Variants in NRXN3 observed in about 807,000 individuals in gnomAD.
The protein encoded by NRXN3 is neurexin III.
Under a neutral mutation model 137.6 loss-of-function variants are expected in NRXN3, and 32 were observed. That is an observed-to-expected ratio of 0.23 (90% CI 0.18 to 0.31). The LOEUF is 0.31. NRXN3 is among the 10% of genes least tolerant of loss of function. The probability of loss-of-function intolerance (pLI) is 1.00; values close to 1 mark genes in which losing one functional copy is unlikely to be tolerated. For missense variants in NRXN3, 1,574 were observed against 2,062.5 expected (o/e 0.76, Z 4.59); for synonymous variants, 798 against 784.5 (o/e 1.02, Z -0.29).
At chr14:78,444,784 T>C (rs1221590450) in intron 4 of NRXN3, among the ~76,000 whole-genome samples, 1 of 151,834 alleles carries the variant, frequency 6.6e-6, no homozygotes, top group Non-Finnish European at 1.5e-5. Context: ...CCGGGCCTCA[T>C]GGTGGATACC....
intron 4 of NRXN3, among the ~76,000 whole-genome samples, chr14:78,361,047 C>T (rs1304449179): frequency 6.6e-6 from 1 of 152,158 alleles, no homozygotes; most frequent in African/African-American, 2.4e-5. Flanking sequence ...TATGATATTA[C>T]AGAGAGCCTG....
intron 4 of NRXN3, among the ~76,000 whole-genome samples, chr14:78,324,669 A>G (rs1028541694): frequency 1.3e-5 from 2 of 152,102 alleles, no homozygotes; most frequent in African/African-American, 2.4e-5. Flanking sequence ...AAAGCAAATC[A>G]CAGTTCTAGA....
At chr14:79,589,445 T>TA (rs879775170) in intron 16 of NRXN3, among the ~76,000 whole-genome samples, 3 of 151,388 alleles carry the variant, frequency 2.0e-5, no homozygotes, top group Non-Finnish European at 2.9e-5. Context: ...CTTATTCCAT[T>TA]TTTTTTTCCA....
chr14:78,931,405 A>C (rs1040044400), intron 10 of NRXN3, among the ~76,000 whole-genome samples: 2 of 152,154 alleles, frequency 1.3e-5, no homozygotes, highest in African/African-American at 4.8e-5. Flanking sequence ...AAAATAGTAA[A>C]AAAATAAAAA....
intron 4 of NRXN3, among the ~76,000 whole-genome samples, chr14:78,413,146 A>G (rs535796668): frequency 1.3e-5 from 2 of 152,102 alleles, no homozygotes; most frequent in Non-Finnish European, 2.9e-5. Flanking sequence ...AGCTACAAGG[A>G]AGTGAGGGAG....
chr14:78,822,433 G>A (rs1299966155), intron 10 of NRXN3, among the ~76,000 whole-genome samples: 1 of 152,082 alleles, frequency 6.6e-6, no homozygotes, highest in African/African-American at 2.4e-5. Context: ...CCAGCACTTT[G>A]GGAGGCCGAG....
chr14:79,016,014 G>A (rs1480267959), intron 15 of NRXN3, among the ~76,000 whole-genome samples: 1 of 152,074 alleles, frequency 6.6e-6, no homozygotes, highest in Non-Finnish European at 1.5e-5. Flanking sequence ...GTTTTTCTTG[G>A]CTGCTGGTGA....
chr14:78,899,847 T>C (rs2099189798), intron 10 of NRXN3, among the ~76,000 whole-genome samples: 1 of 152,034 alleles, frequency 6.6e-6, no homozygotes, highest in African/African-American at 2.4e-5. Flanking sequence ...CTTAGAACTA[T>C]ATAACTTTAA....
intron 4 of NRXN3, among the ~76,000 whole-genome samples, chr14:78,475,374 G>A (rs771403951): frequency 3.9e-5 from 6 of 152,160 alleles, no homozygotes; most frequent in Admixed American, 2.0e-4. Flanking sequence ...ATCTGAAGTG[G>A]CCAGGAATTC....
At chr14:78,714,616 T>C in intron 7 of NRXN3, 140 bp from the exon 8 acceptor site, 1 of 998,514 alleles carries the variant, frequency 1.0e-6, no homozygotes, top group South Asian at 1.6e-5. Flanking sequence ...TCTTTTCCAT[T>C]GTCTTGTAAC....
chr14:78,861,409 CT>C (rs2099072010), intron 10 of NRXN3, among the ~76,000 whole-genome samples: 1 of 152,052 alleles, frequency 6.6e-6, no homozygotes, highest in Non-Finnish European at 1.5e-5. Flanking sequence ...TTCAAAGATG[CT>C]TTTTCTTTTT....
chr14:79,228,544 A>G (rs2071506104), intron 15 of NRXN3, among the ~76,000 whole-genome samples: 1 of 152,180 alleles, frequency 6.6e-6, no homozygotes, highest in Non-Finnish European at 1.5e-5. Flanking sequence ...AGGACACTGA[A>G]TTGTGTCAAA....
chr14:78,918,617 T>C (rs1161877683), intron 10 of NRXN3, among the ~76,000 whole-genome samples: 1 of 152,220 alleles, frequency 6.6e-6, no homozygotes, highest in African/African-American at 2.4e-5. Context: ...TCCTTCAGAA[T>C]TGAGCTGATC....
At chr14:79,190,745 G>C (rs2064181055) in intron 15 of NRXN3, among the ~76,000 whole-genome samples, 1 of 152,130 alleles carries the variant, frequency 6.6e-6, no homozygotes, top group Non-Finnish European at 1.5e-5. Flanking sequence ...ATGCATGGTA[G>C]GGAAAAGGGA....
At chr14:79,345,380 C>T (rs1020120444) in intron 15 of NRXN3, among the ~76,000 whole-genome samples, 3 of 152,192 alleles carry the variant, frequency 2.0e-5, no homozygotes, top group Non-Finnish European at 4.4e-5. Flanking sequence ...TACACCGATT[C>T]TGTCCTCAGC....
At chr14:79,732,254 A>ATAAAC (rs1223495130) in intron 19 of NRXN3, among the ~76,000 whole-genome samples, 4 of 152,168 alleles carry the variant, frequency 2.6e-5, no homozygotes, top group African/African-American at 9.7e-5. Flanking sequence ...TGTATGTCTG[A>ATAAAC]TAAACTAAGT....
chr14:78,659,205 C>A (rs2152672280), intron 6 of NRXN3, among the ~76,000 whole-genome samples: 1 of 152,294 alleles, frequency 6.6e-6, no homozygotes, highest in East Asian at 1.9e-4. Flanking sequence ...AGATAGCCAT[C>A]TACAAGCTAA....
At chr14:79,722,164 C>T (rs146997095) in intron 19 of NRXN3, among the ~76,000 whole-genome samples, 9 of 152,160 alleles carry the variant, frequency 5.9e-5, no homozygotes, top group Non-Finnish European at 1.3e-4. Context: ...TATTTAACAG[C>T]GGTTAAATAC....
chr14:78,216,480 A>G (rs544083674), intron 1 of NRXN3, among the ~76,000 whole-genome samples: 50 of 152,158 alleles, frequency 3.3e-4, no homozygotes, highest in South Asian at 6.2e-4. Context: ...CCACTACACA[A>G]CACAGCAGTG....
Sources: gnomAD v4.1 joint callset for allele counts (sites outside exome capture counted in the v4.1 genomes callset) on GRCh38, gnomAD v4.1.1 for gene constraint, MANE v1.5 for transcripts, NCBI Gene and HGNC (gene_info 2026-07-23, HGNC 2026-07-21) for gene names.